The following PLCL1 variants were observed in gnomAD, a reference collection of about 807,000 sequenced individuals.
The protein encoded by PLCL1 is phospholipase C like 1 (inactive).
PLCL1 carries 41 observed loss-of-function variants against 84.4 expected under a neutral mutation model. That is an observed-to-expected ratio of 0.49 (90% CI 0.38 to 0.63). PLCL1 has a LOEUF of 0.63. PLCL1 is among the 30% of genes least tolerant of loss of function. The probability of loss-of-function intolerance (pLI) is 0.00; values close to 1 mark genes in which losing one functional copy is unlikely to be tolerated. For missense variants in PLCL1, 1,206 were observed against 1,367.8 expected (o/e 0.88, Z 1.87); for synonymous variants, 490 against 488.3 (o/e 1.00, Z -0.05).
rs530080385 is a variant in PLCL1 at position 198,077,484 on chromosome 2, A to T, written c.241-6274A>T. 9.8e-4 allele frequency among the ~76,000 whole-genome samples: 149 copies of T among 152,152 alleles called. 2 individuals carry two copies. The South Asian group carries it at 0.012, about 12-fold the overall frequency. On this transcript the variant is annotated intron_variant, in intron 1 of 5. Coordinates refer to ENST00000428675, the MANE Select transcript of PLCL1 (RefSeq NM_006226.4). Reference sequence around the variant, plus strand: ...TCCTTTTAGTCTTGGCTTCTGTGGAAGCTCATTCTCCTGGTTTTCTTACCC... The same window carrying T: ...TCCTTTTAGTCTTGGCTTCTGTGGATGCTCATTCTCCTGGTTTTCTTACCC...
intron 5 of PLCL1, among the ~76,000 whole-genome samples, chr2:198,110,173 A>G (rs912665591): frequency 6.6e-6 from 1 of 152,000 alleles, no homozygotes; most frequent in East Asian, 1.9e-4. Flanking sequence ...ATAGATTTCC[A>G]ACTTATAATT....
chr2:198,052,093 G>A (rs1691947337), intron 1 of PLCL1, among the ~76,000 whole-genome samples: 1 of 152,188 alleles, frequency 6.6e-6, no homozygotes, highest in Non-Finnish European at 1.5e-5. Flanking sequence ...TGTATTTTTA[G>A]TAGAGACAGG....
At chr2:197,953,851 G>T (rs562901995) in intron 1 of PLCL1, among the ~76,000 whole-genome samples, 2 of 146,454 alleles carry the variant, frequency 1.4e-5, no homozygotes, top group East Asian at 2.0e-4. Flanking sequence ...GTATTCCAGA[G>T]TTTTTTTTTT....
At chr2:198,030,389 C>T (rs1196634452) in intron 1 of PLCL1, among the ~76,000 whole-genome samples, 1 of 152,132 alleles carries the variant, frequency 6.6e-6, no homozygotes, top group Admixed American at 6.6e-5. Flanking sequence ...CTCACACTGT[C>T]ACCCCAAAAT....
At chr2:197,918,971 T>TCTCACA (rs373512508) in intron 1 of PLCL1, among the ~76,000 whole-genome samples, 117 of 144,652 alleles carry the variant, frequency 8.1e-4, no homozygotes, top group Middle Eastern at 3.5e-3. Flanking sequence ...TCTCTCTCCC[T>TCTCACA]CACACACACA....
At chr2:197,913,588 T>C (rs1688533298) in intron 1 of PLCL1, among the ~76,000 whole-genome samples, 1 of 152,256 alleles carries the variant, frequency 6.6e-6, no homozygotes, top group Non-Finnish European at 1.5e-5. Flanking sequence ...AATTTCATCA[T>C]ACATACAATG....
chr2:198,101,760 A>G (rs1029510777), intron 4 of PLCL1, among the ~76,000 whole-genome samples: 5 of 152,036 alleles, frequency 3.3e-5, no homozygotes, highest in Non-Finnish European at 5.9e-5. Flanking sequence ...CTTTTGCCCC[A>G]TTACTAGTCT....
chr2:197,817,146 G>A (rs1329330789), intron 1 of PLCL1, among the ~76,000 whole-genome samples: 1 of 152,038 alleles, frequency 6.6e-6, no homozygotes, highest in African/African-American at 2.4e-5. Context: ...TTATTGAAAG[G>A]TACAGGTCTT....
chr2:198,120,713 A>G (rs953042315), intron 5 of PLCL1, among the ~76,000 whole-genome samples: 2 of 152,024 alleles, frequency 1.3e-5, no homozygotes, highest in Non-Finnish European at 2.9e-5. Flanking sequence ...TTATCCATTC[A>G]TCTGCTGATG....
chr2:198,030,687 A>C (rs989826485), intron 1 of PLCL1, among the ~76,000 whole-genome samples: 1 of 152,146 alleles, frequency 6.6e-6, no homozygotes, highest in African/African-American at 2.4e-5. Flanking sequence ...TGTGAGGTGA[A>C]TGTATTGTTA....
intron 1 of PLCL1, among the ~76,000 whole-genome samples, chr2:197,923,991 A>G (rs1688779752): frequency 6.6e-6 from 1 of 151,770 alleles, no homozygotes; most frequent in Non-Finnish European, 1.5e-5. Flanking sequence ...CCCCGTCTCC[A>G]CCAAGACCAG....
At chr2:198,048,547 A>C (rs1036645687) in intron 1 of PLCL1, among the ~76,000 whole-genome samples, 1 of 152,240 alleles carries the variant, frequency 6.6e-6, no homozygotes, top group African/African-American at 2.4e-5. Context: ...ACTTCCAGTC[A>C]TGCAGAAGGT....
rs146121478 is a variant in PLCL1, at chr2:198,038,374, A to G, written c.241-45384A>G. ...TTGTAAGTCTGTGGGATTGCTTAAT[A>G]CCTTGTTAAAGAAAATTAGAGTTAA... On this transcript the variant is annotated intron_variant, in intron 1 of 5. Transcript: ENST00000428675. 7.0e-4 allele frequency among the ~76,000 whole-genome samples: 106 copies of G among 152,240 alleles called. 3 individuals carry two copies. The South Asian group carries it at 0.013, about 19-fold the overall frequency.
chr2:198,004,009 T>C (rs1206272178), intron 1 of PLCL1, among the ~76,000 whole-genome samples: 1 of 152,218 alleles, frequency 6.6e-6, no homozygotes, highest in African/African-American at 2.4e-5. Context: ...CCAGAAATTC[T>C]TATTTGAATA....
At chr2:197,989,205 A>G (rs1265275800) in intron 1 of PLCL1, among the ~76,000 whole-genome samples, 1 of 152,238 alleles carries the variant, frequency 6.6e-6, no homozygotes, top group African/African-American at 2.4e-5. Context: ...GTAATTATTT[A>G]TAGAAGTTTG....
At chr2:198,070,213 A>G (rs1341452487) in intron 1 of PLCL1, among the ~76,000 whole-genome samples, 1 of 152,148 alleles carries the variant, frequency 6.6e-6, no homozygotes, top group Non-Finnish European at 1.5e-5. Context: ...ATACTTTGGG[A>G]TATACTTAAA....
At chr2:197,905,409 C>T (rs1688359929) in intron 1 of PLCL1, among the ~76,000 whole-genome samples, 1 of 152,214 alleles carries the variant, frequency 6.6e-6, no homozygotes, top group Non-Finnish European at 1.5e-5. Flanking sequence ...ATCCATGTCC[C>T]TGCAAAGGAC....
Position 197,805,082 on chromosome 2 carries a change from C to A in PLCL1, c.-18C>A. On this transcript the variant is annotated 5_prime_UTR_variant, in exon 1 of 6. Transcript: ENST00000428675. This position sits in a 1 kb window ranked among gnomAD's most constrained non-coding sequence, Gnocchi z 4.0. ...GGGCGTCCCGCTTTCCCCCGGGGAG[C>A]CCTAAACGCTCCAGGCCATGGCCGA... 1 of 1,419,642 alleles carries A rather than the reference C, an allele frequency of 7.0e-7. No homozygotes were observed. Among genetic ancestry groups the A allele is most frequent in the South Asian group, 1.4e-5 (1 of 69,020 alleles). The allele number at this position is 1,419,642 out of a possible 1,614,324, so 87.9% of individuals were successfully genotyped here. A position where few individuals can be genotyped will look rare whatever the true frequency, so the allele number is the denominator to read the frequency against.
intron 1 of PLCL1, among the ~76,000 whole-genome samples, chr2:197,864,224 T>C (rs1240062845): frequency 1.3e-5 from 2 of 152,120 alleles, no homozygotes; most frequent in African/African-American, 4.8e-5. Flanking sequence ...CCCCTGCCAA[T>C]TTCAGTATAT....
Sources: gnomAD v4.1 joint callset for allele counts (sites outside exome capture counted in the v4.1 genomes callset) on GRCh38, gnomAD v4.1.1 for gene constraint, Gnocchi (gnomAD v3.1) non-coding constraint, MANE v1.5 for transcripts, NCBI Gene and HGNC (gene_info 2026-07-23, HGNC 2026-07-21) for gene names.